Variants in UGT2B4 observed in about 807,000 individuals in gnomAD.
UGT2B4 encodes UDP glucuronosyltransferase family 2 member B4.
Under a neutral mutation model 49.8 loss-of-function variants are expected in UGT2B4, and 49 were observed. The ratio of observed to expected loss-of-function variants is 0.98; its 90% CI spans 0.78 to 1.25. The LOEUF (loss-of-function observed/expected upper bound fraction) is 1.25. UGT2B4 is among the 50% of genes most tolerant of loss of function. UGT2B4 has a pLI of 0.00. For missense variants in UGT2B4, 729 were observed against 627.7 expected, an observed-to-expected ratio of 1.16 and a Z score of -1.73; for synonymous variants, 246 against 217.7, an observed-to-expected ratio of 1.13 and a Z score of -1.14.
At chr4:69,504,798 A>G (rs1362251880) in intron 1 of UGT2B4, among the ~76,000 whole-genome samples, 1 of 152,120 alleles carries the variant, frequency 6.6e-6, no homozygotes, top group Non-Finnish European at 1.5e-5. Flanking sequence ...ACACAAAATT[A>G]TCAGATTCTT....
intron 1 of UGT2B4, among the ~76,000 whole-genome samples, chr4:69,502,432 T>A (rs577858806): frequency 6.6e-6 from 1 of 151,970 alleles, no homozygotes; most frequent in East Asian, 2.0e-4. Context: ...TGTACCTCCC[T>A]GGTACAGAGC....
chr4:69,488,475 A>G (rs1275612254), intron 3 of UGT2B4, among the ~76,000 whole-genome samples: 2 of 152,266 alleles, frequency 1.3e-5, no homozygotes, highest in Non-Finnish European at 2.9e-5. Context: ...AGTTTTTGGC[A>G]AAATATTAGC....
At chr4:69,509,992 A>G (rs1728568316) in intron 1 of UGT2B4, among the ~76,000 whole-genome samples, 2 of 152,102 alleles carry the variant, frequency 1.3e-5, no homozygotes. Flanking sequence ...TTCAAGTCCT[A>G]TGTTTAAGAC....
At chr4:69,501,811 A>G (rs1253691515) in intron 1 of UGT2B4, among the ~76,000 whole-genome samples, 1 of 152,120 alleles carries the variant, frequency 6.6e-6, no homozygotes, top group East Asian at 1.9e-4. Flanking sequence ...ATGTACCCCC[A>G]GCACAGCACA....
At chr4:69,503,424 C>G (rs1425342452) in intron 1 of UGT2B4, among the ~76,000 whole-genome samples, 1 of 152,212 alleles carries the variant, frequency 6.6e-6, no homozygotes, top group Admixed American at 6.5e-5. Flanking sequence ...TCCCATGCCA[C>G]TGTGCTGATG....
At chr4:69,525,468 G>GA (rs918821242) in intron 1 of UGT2B4, among the ~76,000 whole-genome samples, 13 of 151,676 alleles carry the variant, frequency 8.6e-5, no homozygotes, top group African/African-American at 2.4e-4. Flanking sequence ...GGCATGTTTG[G>GA]AAAAAAAATA....
At chr4:69,518,633 A>AT (rs1002397134) in intron 1 of UGT2B4, among the ~76,000 whole-genome samples, 1 of 152,208 alleles carries the variant, frequency 6.6e-6, no homozygotes, top group African/African-American at 2.4e-5. Context: ...AGATAATTTT[A>AT]TTACCTAGAT....
upstream of UGT2B4, chr4:69,496,074 T>C (rs868786251): frequency 4.9e-4 from 123 of 252,174 alleles, no homozygotes; most frequent in Middle Eastern, 6.7e-3. Flanking sequence ...TCTTTTTGGA[T>C]TTTTTTTTTT....
At chr4:69,502,057 CCCTT>C (rs111824885) in intron 1 of UGT2B4, among the ~76,000 whole-genome samples, 2 of 145,140 alleles carry the variant, frequency 1.4e-5, no homozygotes, top group Non-Finnish European at 3.0e-5. Context: ...GTCTCTCTTT[CCCTT>C]CCTTCCTTCT....
At chr4:69,520,379 A>C (rs1209725298) in intron 1 of UGT2B4, among the ~76,000 whole-genome samples, 1 of 152,240 alleles carries the variant, frequency 6.6e-6, no homozygotes, top group African/African-American at 2.4e-5. Context: ...ACTCAGTAGG[A>C]AACAGGAACA....
chr4:69,502,630 C>A (rs1728371344), intron 1 of UGT2B4, among the ~76,000 whole-genome samples: 1 of 152,132 alleles, frequency 6.6e-6, no homozygotes, highest in Non-Finnish European at 1.5e-5. Context: ...CCAGGCAGAT[C>A]TCCCAAGCCT....
At chr4:69,483,737 T>C (rs1225062482) in intron 5 of UGT2B4, among the ~76,000 whole-genome samples, 2 of 152,104 alleles carry the variant, frequency 1.3e-5, no homozygotes, top group East Asian at 3.9e-4. Flanking sequence ...TGATAGTAGC[T>C]GGGTTGGGCA....
At chr4:69,498,971 G>C (rs1194138126), upstream of UGT2B4, among the ~76,000 whole-genome samples, 1 of 152,078 alleles carries the variant, frequency 6.6e-6, no homozygotes, top group Non-Finnish European at 1.5e-5. Context: ...TCAATTTGAG[G>C]ACTGTCAAGC....
intron 1 of UGT2B4, among the ~76,000 whole-genome samples, chr4:69,506,166 C>CA (rs149214195): frequency 8.3e-4 from 126 of 151,802 alleles, no homozygotes; most frequent in African/African-American, 2.8e-3. Context: ...ACTAAAAGAA[C>CA]AGAGAACCAA....
At chr4:69,497,192 T>C (rs1728191949), upstream of UGT2B4, among the ~76,000 whole-genome samples, 1 of 152,216 alleles carries the variant, frequency 6.6e-6, no homozygotes, top group Admixed American at 6.5e-5. Context: ...CTGACTCAGC[T>C]GGTCTGAGGG....
Position 69,489,559 on chromosome 4 carries a change from C to A in UGT2B4, c.882G>T (p.Glu294Asp), listed in dbSNP as rs531314982. Residue 294 changes from glutamate (E) to aspartate (D), a missense_variant, in exon 3 of 6, where the codon GAG (glutamate) becomes GAT (aspartate). Coordinates refer to ENST00000305107, the MANE Select transcript of UGT2B4 (RefSeq NM_021139.3). Reference protein sequence around the residue: ...PAKPLPKEMEEFVQSSGENGV... With the variant: ...PAKPLPKEMEDFVQSSGENGV... ...CATTTTCTCCAGAGCTCTGGACAAA[C>A]TCTTCCATTTCCTGTGAAAAAAAAG... The A allele has an allele frequency of 2.5e-6, 4 of 1,607,090 alleles. No homozygotes were observed. The Admixed American group carries it at 5.1e-5, about 21-fold the overall frequency.
chr4:69,512,775 A>G (rs1444290226), intron 1 of UGT2B4, among the ~76,000 whole-genome samples: 1 of 151,956 alleles, frequency 6.6e-6, no homozygotes, highest in Non-Finnish European at 1.5e-5. Context: ...TATAATAGCC[A>G]TTTGCACTGG....
intron 1 of UGT2B4, chr4:69,518,405 G>T (rs1987482): frequency 0.59 from 89,368 of 152,044 alleles, 26,996 homozygotes; most frequent in East Asian, 0.75. Flanking sequence ...CACCATGATG[G>T]CAGCTACCTC....
intron 2 of UGT2B4, among the ~76,000 whole-genome samples, chr4:69,490,892 A>T (rs1407599012): frequency 6.6e-6 from 1 of 152,088 alleles, no homozygotes; most frequent in Non-Finnish European, 1.5e-5. Flanking sequence ...GCCTTCATCC[A>T]CCCAGTGTTA....
Sources: gnomAD v4.1 joint callset for allele counts (sites outside exome capture counted in the v4.1 genomes callset) on GRCh38, gnomAD v4.1.1 for gene constraint, MANE v1.5 for transcripts, NCBI Gene and HGNC (gene_info 2026-07-23, HGNC 2026-07-21) for gene names.